Variants in RPH3AL observed in about 807,000 individuals in gnomAD.
The protein encoded by RPH3AL is rabphilin 3A like (without C2 domains).
RPH3AL carries 38 observed loss-of-function variants against 43.1 expected under a neutral mutation model. The ratio of observed to expected loss-of-function variants is 0.88; its 90% confidence interval spans 0.68 to 1.15. RPH3AL has a LOEUF of 1.15. Ranked by LOEUF, RPH3AL falls within the 50% of genes most tolerant of loss-of-function variation. RPH3AL has a pLI of 0.00. For synonymous variants in RPH3AL, 189 were observed against 176.3 expected, an observed-to-expected ratio of 1.07 and a Z score of -0.57; for missense variants, 462 against 423.2, an observed-to-expected ratio of 1.09 and a Z score of -0.81.
intron 6 of RPH3AL, among the ~76,000 whole-genome samples, chr17:269,799 A>G (rs1055724330): frequency 6.6e-6 from 1 of 152,200 alleles, no homozygotes; most frequent in Non-Finnish European, 1.5e-5. Context: ...GTGCTGAAAG[A>G]GTCAGCAGCC....
rs150434668 is a variant in RPH3AL, at chr17:225,400, G to C, written c.614-5664C>G. 6.6e-6 allele frequency among the ~76,000 whole-genome samples: 1 copy of C among 152,264 alleles called. No homozygotes were observed. The highest frequency in any genetic ancestry group is 1.5e-5 in the Non-Finnish European group (1 of 68,028). ...TTTGATCATGAATCCACCAAGACTG[G>C]ACCTCATGGGTGTCAGTTTTATAAG... is the stretch of plus-strand genomic sequence containing the variant. On this transcript the variant is annotated intron_variant, in intron 7 of 9. Coordinates refer to ENST00000331302, the MANE Select transcript of RPH3AL (RefSeq NM_006987.4). This position sits in a 1 kb window ranked among gnomAD's most constrained non-coding sequence, Gnocchi z 4.4.
chr17:269,676 G>C (rs1026429107), intron 6 of RPH3AL, among the ~76,000 whole-genome samples: 5 of 152,228 alleles, frequency 3.3e-5, no homozygotes, highest in Admixed American at 1.3e-4. Context: ...TGGGGATGAA[G>C]CGAGATGATC....
At chr17:272,331 A>G (rs766412135) in intron 6 of RPH3AL, among the ~76,000 whole-genome samples, 16 of 152,058 alleles carry the variant, frequency 1.1e-4, no homozygotes, top group Non-Finnish European at 1.9e-4. Context: ...CACTATTCAC[A>G]ATAGCAAAGA....
chr17:289,508 C>G lies in RPH3AL; in HGVS notation c.352-7654G>C, dbSNP rs1176543469. On this transcript the variant is annotated intron_variant, in intron 5 of 9. Transcript: ENST00000331302. This position sits in a 1 kb window ranked among gnomAD's most constrained non-coding sequence, Gnocchi z 5.2. Reference sequence around the variant, plus strand: ...GATCTCTCTACCCCACCGCGCTGTCCTCCAGCTGGTTCCCGACATGGCAGC... The same window carrying G: ...GATCTCTCTACCCCACCGCGCTGTCGTCCAGCTGGTTCCCGACATGGCAGC... 6.6e-6 allele frequency among the ~76,000 whole-genome samples: 1 copy of G among 152,228 alleles called. No individual in the cohort carries two copies. Among genetic ancestry groups the G allele is most frequent in the African/African-American group, 2.4e-5 (1 of 41,466 alleles).
chr17:325,513 GA>G (rs138876784), intron 3 of RPH3AL, among the ~76,000 whole-genome samples: 2,222 of 152,152 alleles, frequency 0.015, 60 homozygotes, highest in African/African-American at 0.052. Flanking sequence ...CTTCTGCCTG[GA>G]AGCGCTTCCC....
intron 6 of RPH3AL, among the ~76,000 whole-genome samples, chr17:270,705 A>T (rs75528343): frequency 1.1e-4 from 16 of 150,736 alleles, no homozygotes; most frequent in African/African-American, 2.7e-4. Context: ...AAAAAAAAAA[A>T]TTTCTCCCAT....
intron 7 of RPH3AL, among the ~76,000 whole-genome samples, chr17:238,337 AAGAG>A (rs376233117): frequency 6.6e-6 from 1 of 151,956 alleles, no homozygotes; most frequent in Non-Finnish European, 1.5e-5. Flanking sequence ...GAAAGAGAAA[AAGAG>A]AGAGAGAGAA....
At chr17:265,864 C>A (rs191661908) in intron 6 of RPH3AL, among the ~76,000 whole-genome samples, 22 of 152,276 alleles carry the variant, frequency 1.4e-4, no homozygotes, top group Middle Eastern at 3.4e-3. Flanking sequence ...TGTGAGTGTT[C>A]ACGCCTCGCC....
intron 5 of RPH3AL, among the ~76,000 whole-genome samples, chr17:313,855 G>A (rs2043723890): frequency 6.6e-6 from 1 of 151,952 alleles, no homozygotes; most frequent in African/African-American, 2.4e-5. Context: ...GCCCCCAAAT[G>A]CCCACCATCC....
chr17:290,362 G>T lies in RPH3AL; in HGVS notation c.352-8508C>A, dbSNP rs2151620728. 6.6e-6 allele frequency among the ~76,000 whole-genome samples: 1 copy of T among 151,694 alleles called. No individual in the cohort carries two copies. The highest frequency in any genetic ancestry group is 2.0e-4 in the East Asian group (1 of 5,110). ...TAAACCCAGGCTGGCCCGGCCACAG[G>T]GGAAATGACTCCGGGAATCCTTCAC... On this transcript the variant is annotated intron_variant, in intron 5 of 9. Transcript: ENST00000331302. This position sits in a 1 kb window ranked among gnomAD's most constrained non-coding sequence, Gnocchi z 4.2.
At chr17:315,166 C>CCACCTCCACTGACCTGTTGTCTCTGTGCT (rs1567509318) in intron 5 of RPH3AL, among the ~76,000 whole-genome samples, 1 of 25,262 alleles carries the variant, frequency 4.0e-5, no homozygotes, top group Non-Finnish European at 9.0e-5. Flanking sequence ...TCCCTGTGCC[C>CCACCTCCACTGACCTGTTGTCTCTGTGCT]CCACCTCCAT....
At chr17:347,589 A>C (rs1010612745) in intron 1 of RPH3AL, among the ~76,000 whole-genome samples, 1 of 152,136 alleles carries the variant, frequency 6.6e-6, no homozygotes, top group Middle Eastern at 3.4e-3. Flanking sequence ...GTTCAAAAAA[A>C]AAACCAGCCC....
At chr17:236,441 T>G (rs1023586351) in intron 7 of RPH3AL, among the ~76,000 whole-genome samples, 9 of 152,062 alleles carry the variant, frequency 5.9e-5, no homozygotes, top group African/African-American at 2.2e-4. Context: ...TATGTTTGAC[T>G]ATCGGACACT....
chr17:317,777 T>C lies in RPH3AL; in HGVS notation c.351+1643A>G, dbSNP rs183994522. 1.4e-3 allele frequency among the ~76,000 whole-genome samples: 220 copies of C among 152,278 alleles called. 1 individual carries two copies. The highest frequency in any genetic ancestry group is 2.0e-3 in the Non-Finnish European group (134 of 68,030). ...CAGGTTAACTTCACTGTACCTTTGG[T>C]TTTCTCATCCAGCTTTTGAATGCCC... On this transcript the variant is annotated intron_variant, in intron 5 of 9. Coordinates refer to ENST00000331302, the MANE Select transcript of RPH3AL (RefSeq NM_006987.4).
chr17:321,601 GACGGCCCAGGTGGCAAC>G (rs2044478133), intron 3 of RPH3AL, 186 bp from the exon 4 acceptor site: 3 of 498,052 alleles, frequency 6.0e-6, no homozygotes, highest in Admixed American at 3.9e-5. Context: ...TGGCAACAGA[GACGGCCCAGGTGGCAAC>G]AGAGACGGCC....
At position 290,031 on chromosome 17, in the gene RPH3AL, C is replaced by T. The variant is rs2043011572; in HGVS notation, c.352-8177G>A. ...CTATTTCTGTTCACCCTCCTGCTCCCTGTGCCCGGCACAGTGACTATTTGC... is the reference window on the plus strand; with the variant it reads ...CTATTTCTGTTCACCCTCCTGCTCCTTGTGCCCGGCACAGTGACTATTTGC... On this transcript the variant is annotated intron_variant, in intron 5 of 9. Coordinates refer to ENST00000331302, the MANE Select transcript of RPH3AL (RefSeq NM_006987.4). The surrounding 1 kb of genome is among the most constrained non-coding windows in gnomAD (Gnocchi z 4.2). Among the ~76,000 whole-genome samples the T allele has an allele frequency of 6.6e-6, 1 of 152,254 alleles. No homozygotes were observed. Among genetic ancestry groups the T allele is most frequent in the Non-Finnish European group, 1.5e-5 (1 of 68,058 alleles).
intron 6 of RPH3AL, among the ~76,000 whole-genome samples, chr17:273,929 C>G (rs972900459): frequency 1.8e-4 from 27 of 152,184 alleles, no homozygotes; most frequent in African/African-American, 5.8e-4. Context: ...GCCACCCCCC[C>G]TCAGATAACA....
At chr17:350,808 G>A (rs1172725784) in intron 1 of RPH3AL, among the ~76,000 whole-genome samples, 1 of 152,162 alleles carries the variant, frequency 6.6e-6, no homozygotes, top group Non-Finnish European at 1.5e-5. Flanking sequence ...ATCTTGGCCT[G>A]GGCTGTCAGC....
At chr17:241,296 T>C (rs536099741) in intron 7 of RPH3AL, among the ~76,000 whole-genome samples, 74 of 152,014 alleles carry the variant, frequency 4.9e-4, no homozygotes, top group Admixed American at 1.2e-3. Context: ...CTGGGGAGGC[T>C]GAGGTAGGAG....
Sources: gnomAD v4.1 joint callset for allele counts (sites outside exome capture counted in the v4.1 genomes callset) on GRCh38, gnomAD v4.1.1 for gene constraint, Gnocchi (gnomAD v3.1) non-coding constraint, MANE v1.5 for transcripts, NCBI Gene and HGNC (gene_info 2026-07-23, HGNC 2026-07-21) for gene names.